Variants in EYA1 observed in about 807,000 individuals in gnomAD.
EYA1 encodes the protein EYA transcriptional coactivator and phosphatase 1.
In EYA1, 16 loss-of-function variants were observed where a neutral mutation model predicts 82.0. The ratio of observed to expected loss-of-function variants is 0.20; its 90% confidence interval spans 0.13 to 0.30. The LOEUF (loss-of-function observed/expected upper bound fraction) is 0.30. Among genes scored for constraint, EYA1 ranks in the 10% least tolerant of loss-of-function variants. The pLI, the probability that EYA1 is intolerant of heterozygous loss-of-function variation, is 1.00. For missense variants in EYA1, 633 were observed against 730.7 expected (o/e 0.87, Z 1.54); for synonymous variants, 261 against 264.4 (o/e 0.99, Z 0.12).
At chr8:71,365,930 T>A (rs1827726691), upstream of EYA1, among the ~76,000 whole-genome samples, 1 of 152,220 alleles carries the variant, frequency 6.6e-6, no homozygotes, top group Admixed American at 6.5e-5. Flanking sequence ...TCCAACATGA[T>A]TAGCTTTTAA....
intron 11 of EYA1, among the ~76,000 whole-genome samples, chr8:71,259,734 A>T (rs1814876016): frequency 6.6e-6 from 1 of 152,124 alleles, no homozygotes; most frequent in African/African-American, 2.4e-5. Flanking sequence ...TTGAAGGGAA[A>T]CCTGTTGTTT....
intron 1 of EYA1, among the ~76,000 whole-genome samples, chr8:71,545,375 C>A (rs1815468314): frequency 6.6e-6 from 1 of 152,108 alleles, no homozygotes; most frequent in South Asian, 2.1e-4. Flanking sequence ...TCACGTAAGT[C>A]AATTTTCTAA....
At chr8:71,393,008 A>G (rs764310182) in intron 2 of EYA1, among the ~76,000 whole-genome samples, 5 of 152,180 alleles carry the variant, frequency 3.3e-5, no homozygotes, top group Admixed American at 6.6e-5. Flanking sequence ...CTATTGAGTT[A>G]AAGAAAATTG....
At chr8:71,381,607 A>G (rs906328047) in intron 2 of EYA1, among the ~76,000 whole-genome samples, 1 of 152,230 alleles carries the variant, frequency 6.6e-6, no homozygotes, top group African/African-American at 2.4e-5. Flanking sequence ...GCTGGAAAAA[A>G]ATATGTATTA....
At chr8:71,526,559 G>T (rs951580734) in intron 2 of EYA1, among the ~76,000 whole-genome samples, 1 of 152,244 alleles carries the variant, frequency 6.6e-6, no homozygotes, top group East Asian at 1.9e-4. Flanking sequence ...AGGCTTAACT[G>T]GGGCTGCATG....
chr8:71,198,063 T>C lies in EYA1; in HGVS notation c.*1277A>G, dbSNP rs1327589761. On this transcript the variant is annotated 3_prime_UTR_variant, in exon 18 of 18. Coordinates refer to ENST00000340726, the MANE Select transcript of EYA1 (RefSeq NM_000503.6). ...GGGAGTAATGCAAAGTTTGCTGATT[T>C]CCGGATTAGCATCGTGTGTCTTCCT... 1 of 152,230 alleles carries C rather than the reference T, an allele frequency of 6.6e-6. No individual in the cohort carries two copies. The highest frequency in any genetic ancestry group is 2.4e-5 in the African/African-American group (1 of 41,444). The allele number at this position is 152,230 out of a possible 1,614,324, so 9.4% of individuals were successfully genotyped here.
At chr8:71,456,487 A>T (rs1807925256) in intron 2 of EYA1, among the ~76,000 whole-genome samples, 2 of 152,050 alleles carry the variant, frequency 1.3e-5, no homozygotes, top group Non-Finnish European at 2.9e-5. Context: ...GGAGGCATCA[A>T]GCTACCTGAC....
intron 2 of EYA1, among the ~76,000 whole-genome samples, chr8:71,484,522 C>T (rs571942233): frequency 6.6e-6 from 1 of 152,312 alleles, no homozygotes; most frequent in South Asian, 2.1e-4. Flanking sequence ...AATTCCCCTA[C>T]CTAGGTATTC....
chr8:71,385,519 A>C (rs1333857980), intron 2 of EYA1, among the ~76,000 whole-genome samples: 1 of 152,188 alleles, frequency 6.6e-6, no homozygotes, highest in Admixed American at 6.5e-5. Flanking sequence ...CAACATCTGA[A>C]GTTTATATAA....
At chr8:71,541,860 T>G (rs1297746372) in intron 1 of EYA1, among the ~76,000 whole-genome samples, 11 of 152,330 alleles carry the variant, frequency 7.2e-5, no homozygotes. Flanking sequence ...TCTTCAAACG[T>G]TGTTTTGATA....
chr8:71,239,595 T>G (rs941741309), intron 12 of EYA1, among the ~76,000 whole-genome samples: 1 of 152,208 alleles, frequency 6.6e-6, no homozygotes, highest in Non-Finnish European at 1.5e-5. Flanking sequence ...CAAGTGGCAT[T>G]CCATATGTGT....
chr8:71,357,650 A>T (rs1202904693), intron 1 of EYA1, among the ~76,000 whole-genome samples: 1 of 152,242 alleles, frequency 6.6e-6, no homozygotes, highest in East Asian at 1.9e-4. Flanking sequence ...GTCTTCTGTT[A>T]AGTCCTGTTA....
intron 3 of EYA1, among the ~76,000 whole-genome samples, chr8:71,349,155 T>A (rs932700618): frequency 2.6e-5 from 4 of 152,158 alleles, no homozygotes. Context: ...TGCAATACAA[T>A]GTGCACCTGG....
Position 71,303,799 on chromosome 8 carries a change from C to T in EYA1, c.557-4079G>A, listed in dbSNP as rs763786471. Among the ~76,000 whole-genome samples the T allele has an allele frequency of 8.4e-5, 12 of 142,498 alleles. 2 individuals are homozygous for T. Among genetic ancestry groups the T allele is most frequent in the Non-Finnish European group, 1.9e-4 (12 of 62,822 alleles). 93.5% of individuals were successfully genotyped at this position (142,498 alleles called of 152,430 possible). On this transcript the variant is annotated intron_variant, in intron 7 of 17. Transcript: ENST00000340726. ...CTCTCTCTATGTTAGGAAGTAGGCT[C>T]GCCCGTACATGCTTCACCTATACTC...
chr8:71,298,982 G>GC, intron 9 of EYA1, 65 bp downstream of exon 9: 1 of 1,523,604 alleles, frequency 6.6e-7, no homozygotes. Flanking sequence ...ATATATGACT[G>GC]TAGAAAAATG....
intron 2 of EYA1, among the ~76,000 whole-genome samples, chr8:71,421,272 A>G (rs2129149481): frequency 6.6e-6 from 1 of 152,304 alleles, no homozygotes; most frequent in Admixed American, 6.5e-5. Context: ...ACTTAGATGA[A>G]TGTTTCTCTT....
At chr8:71,492,481 T>C (rs1811078250) in intron 2 of EYA1, among the ~76,000 whole-genome samples, 2 of 151,352 alleles carry the variant, frequency 1.3e-5, no homozygotes, top group Non-Finnish European at 2.9e-5. Context: ...TTTTTTTTTT[T>C]TGAGACGGAG....
Position 71,259,593 on chromosome 8 carries a change from T to C in EYA1, c.1050+10147A>G, listed in dbSNP as rs540489794. ...TTCCTGGCTTCAAATGACAATGTAG[T>C]CTATTTTTAGTGGCAAACACCAACC... is the stretch of plus-strand genomic sequence containing the variant. On this transcript the variant is annotated intron_variant, in intron 11 of 17. Coordinates refer to ENST00000340726, the MANE Select transcript of EYA1 (RefSeq NM_000503.6). Among the ~76,000 whole-genome samples the C allele has an allele frequency of 7.9e-5, 12 of 152,326 alleles. No individual in the cohort carries two copies. The South Asian group carries it at 1.5e-3, about 18-fold the overall frequency.
At chr8:71,285,418 G>A (rs1481849944) in intron 9 of EYA1, among the ~76,000 whole-genome samples, 1 of 152,196 alleles carries the variant, frequency 6.6e-6, no homozygotes, top group Admixed American at 6.5e-5. Context: ...TGGTAGGCAT[G>A]GGAAATAAAA....
Sources: gnomAD v4.1 joint callset for allele counts (sites outside exome capture counted in the v4.1 genomes callset) on GRCh38, gnomAD v4.1.1 for gene constraint, MANE v1.5 for transcripts, NCBI Gene and HGNC (gene_info 2026-07-23, HGNC 2026-07-21) for gene names.